Variants in MYH8 observed in about 807,000 individuals in gnomAD.
MYH8 encodes myosin heavy chain 8, also known as myosin-8.
In MYH8, 168 loss-of-function variants were observed where a neutral mutation model predicts 233.2. The observed-to-expected ratio is 0.72, with a 90% CI of 0.64 to 0.82. MYH8 has a LOEUF of 0.82. MYH8 is among the 40% of genes least tolerant of loss of function. MYH8 has a pLI of 0.00. For missense variants in MYH8, 1,995 were observed against 2,327.8 expected (o/e 0.86, Z 2.94); for synonymous variants, 785 against 850.6 (o/e 0.92, Z 1.34).
chr17:10,408,742 A>G (rs2072217827), intron 17 of MYH8, among the ~76,000 whole-genome samples: 1 of 152,208 alleles, frequency 6.6e-6, no homozygotes, highest in East Asian at 1.9e-4. Context: ...ATTCTCAAAG[A>G]GGAACTCAGG....
chr17:10,399,575 G>A lies in MYH8; in HGVS notation c.3830C>T (p.Thr1277Ile). 1 of 1,613,956 alleles carries A rather than the reference G, an allele frequency of 6.2e-7. No individual in the cohort carries two copies. Among genetic ancestry groups the A allele is most frequent in the East Asian group, 2.2e-5 (1 of 44,882 alleles). Residue 1277 changes from threonine (T) to isoleucine (I), a missense_variant, in exon 28 of 40, where the codon ACA (threonine) becomes ATA (isoleucine). Thr to Ile is a moderately conservative substitution (Grantham distance 89, BLOSUM62 -1). This residue lies in a region of MYH8 where 1,498 missense variants were observed against 1,680.9 expected (regional missense o/e 0.89). Transcript: ENST00000403437. ...EEQQRLINDL[T>I]AQRARLQTEA... is the part of the protein sequence containing the mutation. ...TGTCTGCAGGCGCGCTCTCTGTGCT[G>A]TGAGGTCATTGATCAGCCGCTGCTG...
chr17:10,401,806 A>G (rs772897702), intron 22 of MYH8, 21 bp from the exon 23 acceptor site: 2 of 1,614,052 alleles, frequency 1.2e-6, no homozygotes, highest in South Asian at 2.2e-5. Flanking sequence ...ATTCATTCAG[A>G]TACTTAGAGT....
intron 28 of MYH8, 32 bp downstream of exon 28, chr17:10,399,511 A>T: frequency 6.2e-7 from 1 of 1,612,344 alleles, no homozygotes; most frequent in South Asian, 1.1e-5. Context: ...TATTTAGTCC[A>T]TGGTGTTGGG....
chr17:10,394,653 C>T (rs1441011815), intron 34 of MYH8, among the ~76,000 whole-genome samples: 2 of 152,126 alleles, frequency 1.3e-5, no homozygotes, highest in Non-Finnish European at 2.9e-5. Context: ...CTATTTCTAC[C>T]ATTAACTGGT....
In MYH8 at chr17:10,404,563, A is replaced by C; in HGVS notation, c.2455T>G (p.Tyr819Asp). ...QRREALFCIQ[Y>D]NVRAFMNVKH... ...ACGTTCATGAAGGCACGGACATTAT[A>C]CTGGATGCAGAAAAGTGCTTCTCTG... Residue 819 changes from tyrosine (Y) to aspartate (D), a missense_variant, in exon 22 of 40, where the codon TAT (tyrosine) becomes GAT (aspartate). By Grantham distance (160) the Tyr-to-Asp change is radical. Coordinates refer to ENST00000403437, the MANE Select transcript of MYH8 (RefSeq NM_002472.3). The C allele has an allele frequency of 6.2e-7, 1 of 1,614,008 alleles. No homozygotes were observed. The highest frequency in any genetic ancestry group is 8.5e-7 in the Non-Finnish European group (1 of 1,179,906).
chr17:10,408,328 A>G (rs1282925099), intron 17 of MYH8, among the ~76,000 whole-genome samples: 2 of 152,192 alleles, frequency 1.3e-5, no homozygotes, highest in Non-Finnish European at 2.9e-5. Flanking sequence ...GAAAACATGT[A>G]TGAAAACAAG....
At position 10,398,807 on chromosome 17, in the gene MYH8, C is replaced by T. The variant is rs2072104208; in HGVS notation, c.3942G>A (p.Gln1314=). The change falls in exon 29 of 40, where the codon CAG becomes CAA. Residue 1314 remains glutamine (Q), a synonymous_variant. Transcript: ENST00000403437. The stretch of plus-strand genomic sequence containing the variant: ...CTAGTTGATGTTTCAGCTCTTCAAT[C>T]TGCTGAGTAGATGCTTGCTTGCTCC... ...LSRSKQASTQ[Q]IEELKHQLEE... 6.2e-7 allele frequency: 1 copy of T among 1,613,994 alleles called. No individual in the cohort carries two copies. Among genetic ancestry groups the T allele is most frequent in the Admixed American group, 1.7e-5 (1 of 60,004 alleles).
chr17:10,398,994 G>GTGTATATA lies in MYH8; in HGVS notation c.3863-109_3863-108insTATATACA, dbSNP rs1555555758. 215 of 312,692 alleles carry GTGTATATA rather than the reference G, an allele frequency of 6.9e-4. 1 individual carries two copies. Among genetic ancestry groups the GTGTATATA allele is most frequent in the African/African-American group, 2.8e-3 (117 of 42,246 alleles). 19.4% of individuals were successfully genotyped at this position (312,692 alleles called of 1,614,324 possible). ...TATATATATGTATATATGTGTGTGT[G>GTGTATATA]TATATATATATATATATATATATAC... is the stretch of plus-strand genomic sequence containing the variant. On this transcript the variant is annotated intron_variant, in intron 28 of 39. Coordinates refer to ENST00000403437, the MANE Select transcript of MYH8 (RefSeq NM_002472.3).
rs1284125878 is a variant in MYH8 at position 10,398,651 on chromosome 17, A to G, written c.3982-11T>C. 3 of 1,614,110 alleles carry G rather than the reference A, an allele frequency of 1.9e-6. No individual in the cohort carries two copies. The African/African-American group carries it at 4.0e-5, about 22-fold the overall frequency. ...CAGGGCGTTCTTGGCCTGCAGAAGTAGCAGTTCAGTGACATAAATTCATGT... is the reference window on the plus strand; with the variant it reads ...CAGGGCGTTCTTGGCCTGCAGAAGTGGCAGTTCAGTGACATAAATTCATGT... On this transcript the variant is annotated splice_polypyrimidine_tract_variant and intron_variant, in intron 29 of 39. Coordinates refer to ENST00000403437, the MANE Select transcript of MYH8 (RefSeq NM_002472.3).
At chr17:10,403,116 G>C (rs1319517149) in intron 22 of MYH8, among the ~76,000 whole-genome samples, 1 of 150,028 alleles carries the variant, frequency 6.7e-6, no homozygotes, top group Non-Finnish European at 1.5e-5. Flanking sequence ...GTCAAGTTAG[G>C]AAAAAAAAAT....
At position 10,395,449 on chromosome 17, in the gene MYH8, A is replaced by G. The variant is rs2072070660; in HGVS notation, c.4654-8T>C. 6.2e-7 allele frequency: 1 copy of G among 1,613,692 alleles called. No homozygotes were observed. Reference sequence around the variant, plus strand: ...TTCATGTTCAAGAGATGCCTTAACAAAACAGTGATCAATTAATAATGGAGA... The same window carrying G: ...TTCATGTTCAAGAGATGCCTTAACAGAACAGTGATCAATTAATAATGGAGA... On this transcript the variant is annotated splice_region_variant and splice_polypyrimidine_tract_variant and intron_variant, in intron 33 of 39. Coordinates refer to ENST00000403437, the MANE Select transcript of MYH8 (RefSeq NM_002472.3).
chr17:10,397,066 C>T, intron 30 of MYH8, 80 bp from the exon 31 acceptor site: 3 of 1,460,726 alleles, frequency 2.1e-6, no homozygotes, highest in East Asian at 2.3e-5. Flanking sequence ...TTTTCACAGT[C>T]CTATTTCTTT....
intron 12 of MYH8, among the ~76,000 whole-genome samples, chr17:10,413,236 C>T (rs1255470825): frequency 5.3e-5 from 8 of 152,000 alleles, no homozygotes; most frequent in Admixed American, 1.3e-4. Context: ...GTGACTATAA[C>T]GTAAATAAAT....
intron 35 of MYH8, 110 bp downstream of exon 35, chr17:10,394,139 C>A: frequency 7.2e-7 from 1 of 1,389,948 alleles, no homozygotes; most frequent in South Asian, 1.2e-5. Context: ...TGAGCATATC[C>A]CCCATCCATG....
chr17:10,400,881 G>C lies in MYH8; in HGVS notation c.3333C>G (p.Ile1111Met). ...QAVEIQLQKK[I>M]KELQARIEEL... ...TGAGATGACTCACCTGCAACTCTTT[G>C]ATCTTCTTCTGTAGTTGAATTTCTA... Residue 1111 changes from isoleucine to methionine, a missense_variant, in exon 26 of 40, where the codon ATC (isoleucine) becomes ATG (methionine). Coordinates refer to ENST00000403437, the MANE Select transcript of MYH8 (RefSeq NM_002472.3). This position sits in a 1 kb window ranked among gnomAD's most constrained non-coding sequence, Gnocchi z 4.0. 1.9e-6 allele frequency: 3 copies of C among 1,613,750 alleles called. No homozygotes were observed. The highest frequency in any genetic ancestry group is 1.7e-6 in the Non-Finnish European group (2 of 1,179,998).
intron 27 of MYH8, 57 bp from the exon 28 acceptor site, chr17:10,399,726 C>G: frequency 1.2e-6 from 2 of 1,606,968 alleles, no homozygotes; most frequent in East Asian, 2.2e-5. Flanking sequence ...AAGGTTAAAA[C>G]TTGATTCTTA....
intron 33 of MYH8, among the ~76,000 whole-genome samples, chr17:10,395,833 T>C (rs1452679707): frequency 1.3e-5 from 2 of 152,154 alleles, no homozygotes; most frequent in Non-Finnish European, 2.9e-5. Context: ...ATGTTCATTG[T>C]ATAATGTGGA....
Position 10,404,422 on chromosome 17 carries a change from G to A in MYH8, c.2596C>T (p.Leu866Phe). The A allele has an allele frequency of 1.9e-6, 3 of 1,613,772 alleles. No homozygotes were observed. The highest frequency in any genetic ancestry group is 2.5e-6 in the Non-Finnish European group (3 of 1,179,934). The change falls in exon 22 of 40, where the codon CTC becomes TTC. Residue 866 changes from leucine to phenylalanine, a missense_variant. Coordinates refer to ENST00000403437, the MANE Select transcript of MYH8 (RefSeq NM_002472.3). ...KEEFQKTKDE[L>F]AKSEAKRKEL... ...TTCCGTTTTGCCTCTGACTTGGCGA[G>A]TTCATCTTTGGTTTTCTGGAATTCT...
At chr17:10,405,495 G>C (rs1393862371) in intron 21 of MYH8, among the ~76,000 whole-genome samples, 2 of 152,220 alleles carry the variant, frequency 1.3e-5, no homozygotes, top group Admixed American at 1.3e-4. Context: ...AACACTTCCA[G>C]TGCAGGCCTA....
Sources: allele counts gnomAD v4.1 joint callset (sites outside exome capture counted in the v4.1 genomes callset), GRCh38; gene constraint gnomAD v4.1.1; regional missense constraint gnomAD v4.1.1; non-coding constraint Gnocchi (gnomAD v3.1); transcripts MANE v1.5; gene names NCBI Gene and HGNC (gene_info 2026-07-23, HGNC 2026-07-21).